The following SUSD5 variants were observed in gnomAD, a reference collection of about 807,000 sequenced individuals.
SUSD5 encodes the protein sushi domain-containing protein 5.
In SUSD5, 33 loss-of-function variants were observed where a neutral mutation model predicts 29.5. That is an observed-to-expected ratio of 1.12 (90% CI 0.85 to 1.49). The LOEUF (loss-of-function observed/expected upper bound fraction) is 1.49, where lower values mean the gene tolerates loss of function less well. SUSD5 is among the 40% of genes most tolerant of loss of function. SUSD5 has a pLI of 0.00. For synonymous variants in SUSD5, 308 were observed against 325.3 expected (o/e 0.95, Z 0.57); for missense variants, 776 against 800.6 (o/e 0.97, Z 0.37).
At position 33,207,731 on chromosome 3, in the gene SUSD5, T is replaced by C. The variant is rs2032247865; in HGVS notation, c.409+77A>G. ...AGTAAATCCTCACTTCAAGGTTTTC[T>C]TCTAGAGAAACCAACCTCATATAGC... is the stretch of plus-strand genomic sequence containing the variant. On this transcript the variant is annotated intron_variant, in intron 3 of 4. Transcript: ENST00000309558. 4 of 959,990 alleles carry C rather than the reference T, an allele frequency of 4.2e-6. No homozygotes were observed. The East Asian group carries it at 1.1e-4, about 25-fold the overall frequency. 59.5% of individuals were successfully genotyped at this position (959,990 alleles called of 1,614,324 possible).
At chr3:33,213,457 G>C (rs1463168196) in intron 2 of SUSD5, among the ~76,000 whole-genome samples, 1 of 152,094 alleles carries the variant, frequency 6.6e-6, no homozygotes, top group Admixed American at 6.6e-5. Flanking sequence ...AAAGAACTAT[G>C]ACAGAACTCC....
At chr3:33,180,079 A>G (rs2031637188) in intron 3 of SUSD5, among the ~76,000 whole-genome samples, 2 of 152,342 alleles carry the variant, frequency 1.3e-5, no homozygotes, top group East Asian at 1.9e-4. Flanking sequence ...ACTGGTTTAT[A>G]TATTTACCAT....
intron 3 of SUSD5, among the ~76,000 whole-genome samples, chr3:33,182,818 G>A (rs1216650652): frequency 1.3e-5 from 2 of 152,026 alleles, no homozygotes; most frequent in East Asian, 3.9e-4. Flanking sequence ...ACGGAGTCTT[G>A]CTCTGTCACC....
intron 3 of SUSD5, among the ~76,000 whole-genome samples, chr3:33,180,640 A>G (rs1385927332): frequency 6.6e-6 from 1 of 152,130 alleles, no homozygotes; most frequent in Non-Finnish European, 1.5e-5. Flanking sequence ...CAGCCTGGCC[A>G]ACATGGTGAA....
At chr3:33,216,846 G>A (rs1433269896) in intron 1 of SUSD5, among the ~76,000 whole-genome samples, 3 of 152,092 alleles carry the variant, frequency 2.0e-5, no homozygotes, top group African/African-American at 4.8e-5. Context: ...TGATAATATA[G>A]CTTATAACTC....
At position 33,207,749 on chromosome 3, in the gene SUSD5, C is replaced by A. The variant is rs78107232; in HGVS notation, c.409+59G>T. The A allele has an allele frequency of 9.7e-3, 11,346 of 1,167,506 alleles. 582 individuals are homozygous for A. In the African/African-American group the frequency reaches 0.13, roughly 13 times the overall value. The allele number at this position is 1,167,506 out of a possible 1,614,324, so 72.3% of individuals were successfully genotyped here. ...GGTTTTCTTCTAGAGAAACCAACCT[C>A]ATATAGCAATCCCCAAGAGCACACC... On this transcript the variant is annotated intron_variant, in intron 3 of 4. Coordinates refer to ENST00000309558, the MANE Select transcript of SUSD5 (RefSeq NM_015551.2).
chr3:33,193,988 T>A (rs1407273648), intron 3 of SUSD5, among the ~76,000 whole-genome samples: 1 of 152,168 alleles, frequency 6.6e-6, no homozygotes, highest in Non-Finnish European at 1.5e-5. Context: ...GGCCTCAAGG[T>A]TCCTATCCTC....
At chr3:33,165,908 C>T (rs187402792) in intron 4 of SUSD5, among the ~76,000 whole-genome samples, 85 of 151,168 alleles carry the variant, frequency 5.6e-4, no homozygotes, top group African/African-American at 1.9e-3. Context: ...TTCGGGAGCC[C>T]GAGATAGGAG....
At chr3:33,200,782 C>A (rs2032102415) in intron 3 of SUSD5, among the ~76,000 whole-genome samples, 1 of 152,052 alleles carries the variant, frequency 6.6e-6, no homozygotes, top group Non-Finnish European at 1.5e-5. Flanking sequence ...AGCAGAAAAG[C>A]AATGCTTGTT....
intron 4 of SUSD5, among the ~76,000 whole-genome samples, chr3:33,155,072 A>T (rs2031019587): frequency 6.6e-6 from 1 of 152,240 alleles, no homozygotes; most frequent in African/African-American, 2.4e-5. Context: ...TGGCACAAGG[A>T]CAGATAACTG....
chr3:33,192,214 C>T (rs1393694798), intron 3 of SUSD5, among the ~76,000 whole-genome samples: 1 of 151,172 alleles, frequency 6.6e-6, no homozygotes, highest in Non-Finnish European at 1.5e-5. Flanking sequence ...GCTGGGACTA[C>T]AGGCATGCGC....
At chr3:33,156,745 G>A (rs1329415822) in intron 4 of SUSD5, among the ~76,000 whole-genome samples, 2 of 152,182 alleles carry the variant, frequency 1.3e-5, no homozygotes, top group Non-Finnish European at 2.9e-5. Context: ...CTAGATTAGT[G>A]GGTATCTGGC....
intron 3 of SUSD5, among the ~76,000 whole-genome samples, chr3:33,205,648 C>T (rs1260204050): frequency 6.6e-6 from 1 of 152,226 alleles, no homozygotes; most frequent in Admixed American, 6.5e-5. Flanking sequence ...ATACACATAA[C>T]TTGCTCGATG....
rs1424148797 is a variant in SUSD5 at position 33,151,307 on chromosome 3, A to G, written c.*1435T>C. On this transcript the variant is annotated 3_prime_UTR_variant, in exon 5 of 5. Coordinates refer to ENST00000309558, the MANE Select transcript of SUSD5 (RefSeq NM_015551.2). ...TGACGCTGATGCTACTGGTCTGAGG[A>G]CCACACTTTGAGAACCACTGCCATA... The G allele has an allele frequency of 6.6e-6, 1 of 152,128 alleles. No homozygotes were observed. Among genetic ancestry groups the G allele is most frequent in the East Asian group, 1.9e-4 (1 of 5,198 alleles). 9.4% of individuals were successfully genotyped at this position (152,128 alleles called of 1,614,324 possible).
intron 2 of SUSD5, among the ~76,000 whole-genome samples, chr3:33,209,654 T>C (rs2032286081): frequency 1.3e-5 from 2 of 151,380 alleles, no homozygotes; most frequent in Admixed American, 6.6e-5. Context: ...CTTCTTTCTT[T>C]CTTTTCTTTT....
Position 33,169,422 on chromosome 3 carries a change from T to G in SUSD5, c.598+5464A>C, listed in dbSNP as rs1465155494. 4.6e-5 allele frequency among the ~76,000 whole-genome samples: 7 copies of G among 152,112 alleles called. No homozygotes were observed. The East Asian group carries it at 1.4e-3, about 30-fold the overall frequency. ...ATTTAGTAGCGACGGGGTTTCACCA[T>G]GTTGACCAGGCTGGTCTTGAACTTC... On this transcript the variant is annotated intron_variant, in intron 4 of 4. Transcript: ENST00000309558.
At chr3:33,205,765 G>A (rs1417114296) in intron 3 of SUSD5, among the ~76,000 whole-genome samples, 1 of 152,208 alleles carries the variant, frequency 6.6e-6, no homozygotes, top group Non-Finnish European at 1.5e-5. Context: ...AGAAGCAAGG[G>A]TACCTAGCTA....
chr3:33,156,650 C>T (rs950718694), intron 4 of SUSD5, among the ~76,000 whole-genome samples: 6 of 152,118 alleles, frequency 3.9e-5, no homozygotes, highest in Admixed American at 6.5e-5. Context: ...CTTTCAACTT[C>T]GGAAGAACAA....
At chr3:33,166,934 T>C (rs1489705491) in intron 4 of SUSD5, among the ~76,000 whole-genome samples, 1 of 152,060 alleles carries the variant, frequency 6.6e-6, no homozygotes, top group Non-Finnish European at 1.5e-5. Context: ...ATCCCAGCAC[T>C]TTGGGAGGCC....
Sources: gnomAD v4.1 joint callset for allele counts (sites outside exome capture counted in the v4.1 genomes callset) on GRCh38, gnomAD v4.1.1 for gene constraint, MANE v1.5 for transcripts, NCBI Gene and HGNC (gene_info 2026-07-23, HGNC 2026-07-21) for gene names.